GRIN2A: variants seen among roughly 807,000 people sequenced by gnomAD.
GRIN2A encodes the protein glutamate receptor ionotropic, NMDA 2A.
A neutral mutation model predicts 113.4 loss-of-function variants in GRIN2A; 22 were observed. The observed-to-expected ratio is 0.19, with a 90% confidence interval of 0.14 to 0.28. The LOEUF is 0.28. Among genes scored for constraint, GRIN2A ranks in the 10% least tolerant of loss-of-function variants. GRIN2A has a pLI of 1.00. For synonymous variants in GRIN2A, 827 were observed against 738.4 expected (o/e 1.12, Z -1.94); for missense variants, 1,502 against 1,887.0 (o/e 0.80, Z 3.78).
intron 11 of GRIN2A, among the ~76,000 whole-genome samples, chr16:9,794,899 C>A (rs762088504): frequency 2.0e-5 from 3 of 146,994 alleles, no homozygotes; most frequent in African/African-American, 7.8e-5. Flanking sequence ...GAGTTGTGCA[C>A]GGGCAACTAT....
chr16:9,992,613 C>G (rs1464498223), intron 2 of GRIN2A, among the ~76,000 whole-genome samples: 1 of 152,160 alleles, frequency 6.6e-6, no homozygotes, highest in Admixed American at 6.5e-5. Context: ...AACGAATGCT[C>G]TGGATATTTG....
At chr16:9,982,416 C>T (rs935235665) in intron 2 of GRIN2A, among the ~76,000 whole-genome samples, 1 of 152,194 alleles carries the variant, frequency 6.6e-6, no homozygotes, top group South Asian at 2.1e-4. Context: ...TAGGGATATT[C>T]CAATTCTACT....
chr16:9,777,837 G>A (rs536983335), intron 11 of GRIN2A, among the ~76,000 whole-genome samples: 13 of 152,302 alleles, frequency 8.5e-5, no homozygotes, highest in Middle Eastern at 3.4e-3. Context: ...GCCGAGGCAC[G>A]CAGATCACCT....
intron 3 of GRIN2A, chr16:9,937,694 A>C: frequency 4.1e-6 from 2 of 486,518 alleles, no homozygotes; most frequent in East Asian, 3.9e-5. Context: ...ACAGACAGAC[A>C]GATCGATCAA....
chr16:9,990,540 T>G (rs1050877225), intron 2 of GRIN2A, among the ~76,000 whole-genome samples: 2 of 139,274 alleles, frequency 1.4e-5, no homozygotes, highest in Non-Finnish European at 3.1e-5. Context: ...AATCTCTCTC[T>G]CTACACGCGC....
intron 2 of GRIN2A, among the ~76,000 whole-genome samples, chr16:10,076,160 T>A (rs2047869008): frequency 6.6e-6 from 1 of 152,170 alleles, no homozygotes; most frequent in Non-Finnish European, 1.5e-5. Context: ...GGAAGCAAAG[T>A]GGGTTGAGGA....
intron 8 of GRIN2A, among the ~76,000 whole-genome samples, chr16:9,830,729 C>T (rs1481980725): frequency 6.6e-6 from 1 of 152,196 alleles, no homozygotes; most frequent in Non-Finnish European, 1.5e-5. Flanking sequence ...CATTGGAGGC[C>T]AAACCCAGGC....
At position 9,761,179 on chromosome 16, in the gene GRIN2A, G is replaced by A. The variant is rs1900566493; in HGVS notation, c.*1970C>T. ...AACCACTTTTCATTATAGGAACACT[G>A]TAGGTCAGGTGTACTTTCCCAAAGA... On this transcript the variant is annotated 3_prime_UTR_variant, in exon 13 of 13. Transcript: ENST00000330684. 4.3e-6 allele frequency: 1 copy of A among 232,172 alleles called. No individual in the cohort carries two copies. The highest frequency in any genetic ancestry group is 1.8e-4 in the South Asian group (1 of 5,514). The allele number at this position is 232,172 out of a possible 1,614,324, so 14.4% of individuals were successfully genotyped here.
chr16:9,959,752 T>G (rs1596363684), intron 2 of GRIN2A, among the ~76,000 whole-genome samples: 1 of 152,202 alleles, frequency 6.6e-6, no homozygotes, highest in Admixed American at 6.5e-5. Context: ...GGTGGGTATA[T>G]CACCTGAGGT....
At position 10,059,698 on chromosome 16, in the gene GRIN2A, A is replaced by C. The variant is rs143872957; in HGVS notation, c.414+120300T>G. Among the ~76,000 whole-genome samples, 11 of 150,402 alleles carry C rather than the reference A, an allele frequency of 7.3e-5. No homozygotes were observed. The East Asian group carries it at 1.6e-3, about 22-fold the overall frequency. The stretch of plus-strand genomic sequence containing the variant: ...AATGAAGGGCCATGGAACTAAAGAA[A>C]TAAAATCACACCATCGTGACCGAAA... On this transcript the variant is annotated intron_variant, in intron 2 of 12. Coordinates refer to ENST00000330684, the MANE Select transcript of GRIN2A (RefSeq NM_001134407.3).
chr16:10,057,112 T>C (rs993070086), intron 2 of GRIN2A, among the ~76,000 whole-genome samples: 6 of 151,696 alleles, frequency 4.0e-5, no homozygotes, highest in African/African-American at 1.5e-4. Flanking sequence ...CACCCATCCA[T>C]CCATCATTCA....
At chr16:10,139,439 A>G (rs976395279) in intron 2 of GRIN2A, among the ~76,000 whole-genome samples, 2 of 152,244 alleles carry the variant, frequency 1.3e-5, no homozygotes, top group African/African-American at 4.8e-5. Flanking sequence ...AAAGCCAATT[A>G]AAAACAAAAG....
At chr16:10,001,106 C>T (rs1041315365) in intron 2 of GRIN2A, among the ~76,000 whole-genome samples, 1 of 152,172 alleles carries the variant, frequency 6.6e-6, no homozygotes, top group South Asian at 2.1e-4. Flanking sequence ...TTGTCCTGGG[C>T]AAGTTACTTT....
intron 10 of GRIN2A, among the ~76,000 whole-genome samples, chr16:9,817,921 A>G (rs1458729695): frequency 6.6e-6 from 1 of 152,158 alleles, no homozygotes; most frequent in African/African-American, 2.4e-5. Flanking sequence ...GGGAATGTTC[A>G]AAAGCTGAGC....
chr16:9,758,723 T>G lies in GRIN2A; in HGVS notation c.*4426A>C. ...GCAAGCTGACCTCATCTGATACAAT[T>G]AGATATGAACACAGTACAATGTATA... On this transcript the variant is annotated 3_prime_UTR_variant, in exon 13 of 13. Transcript: ENST00000330684. 1 of 215,106 alleles carries G rather than the reference T, an allele frequency of 4.6e-6. No individual in the cohort carries two copies. The highest frequency in any genetic ancestry group is 1.9e-4 in the South Asian group (1 of 5,360). The allele number at this position is 215,106 out of a possible 1,614,324, so 13.3% of individuals were successfully genotyped here. A position where few individuals can be genotyped will look rare whatever the true frequency, so the allele number is the denominator to read the frequency against.
Position 10,120,967 on chromosome 16 carries a change from A to C in GRIN2A, c.414+59031T>G, listed in dbSNP as rs148749749. On this transcript the variant is annotated intron_variant, in intron 2 of 12. Transcript: ENST00000330684. ...CATCTTTTCAGCCCCTGTATCCACG[A>C]TGCTAACTGAAAAATCCTATTCTAT... Among the ~76,000 whole-genome samples, 15 of 152,212 alleles carry C rather than the reference A, an allele frequency of 9.9e-5. No homozygotes were observed. In the East Asian group the frequency reaches 2.7e-3, roughly 27 times the overall value.
chr16:10,090,385 A>T (rs566025463), intron 2 of GRIN2A, among the ~76,000 whole-genome samples: 1 of 152,234 alleles, frequency 6.6e-6, no homozygotes. Context: ...ATAAGCTCTG[A>T]CACTGTCAAT....
chr16:9,840,961 T>G lies in GRIN2A; in HGVS notation c.1472A>C (p.Asn491Thr). 6.2e-7 allele frequency: 1 copy of G among 1,614,042 alleles called. No individual in the cohort carries two copies. Among genetic ancestry groups the G allele is most frequent in the South Asian group, 1.1e-5 (1 of 91,074 alleles). ...TNGKHGKKVN[N>T]VWNGMIGEVV... ...TTCACCGATCATTCCATTCCACACA[T>G]TGTTAACTTTCTTGCCATGCTTCCC... Residue 491 changes from asparagine (N) to threonine (T), a missense_variant, in exon 6 of 13, where the codon AAT (asparagine) becomes ACT (threonine). Transcript: ENST00000330684.
At chr16:9,776,374 C>T (rs1353705602) in intron 11 of GRIN2A, among the ~76,000 whole-genome samples, 1 of 148,184 alleles carries the variant, frequency 6.7e-6, no homozygotes, top group Non-Finnish European at 1.5e-5. Context: ...GTTTTATTCT[C>T]CTTGTACCCC....
Sources: gnomAD v4.1 joint callset for allele counts (sites outside exome capture counted in the v4.1 genomes callset) on GRCh38, gnomAD v4.1.1 for gene constraint, MANE v1.5 for transcripts, NCBI Gene and HGNC (gene_info 2026-07-23, HGNC 2026-07-21) for gene names.